The following AKAP13 variants were observed in gnomAD, a reference collection of about 807,000 sequenced individuals.
AKAP13 encodes the protein A-kinase anchor protein 13.
In AKAP13, 80 loss-of-function variants were observed where a neutral mutation model predicts 264.5. The observed-to-expected ratio is 0.30, with a 90% CI of 0.25 to 0.36. The LOEUF is 0.36. Ranked by LOEUF, AKAP13 falls within the 10% of genes least tolerant of loss-of-function variation. The probability of loss-of-function intolerance (pLI) is 1.00; values close to 1 mark genes in which losing one functional copy is unlikely to be tolerated. For synonymous variants in AKAP13, 1,380 were observed against 1,250.2 expected, an observed-to-expected ratio of 1.10 and a Z score of -2.19; for missense variants, 3,712 against 3,435.2, an observed-to-expected ratio of 1.08 and a Z score of -2.01.
At chr15:85,621,606 T>C (rs2081189795) in intron 8 of AKAP13, 1 of 152,184 alleles carries the variant, frequency 6.6e-6, no homozygotes, top group Non-Finnish European at 1.5e-5. Flanking sequence ...TAATACTTTA[T>C]ACTCTAGGTG....
At position 85,741,274 on chromosome 15, in the gene AKAP13, C is replaced by A; in HGVS notation, c.7837C>A (p.Arg2613=). 2 of 1,609,746 alleles carry A rather than the reference C, an allele frequency of 1.2e-6. No homozygotes were observed. Among genetic ancestry groups the A allele is most frequent in the African/African-American group, 1.3e-5 (1 of 74,988 alleles). Residue 2613 remains arginine (R), a synonymous_variant, in exon 35 of 37, where the codon CGG becomes AGG. Coordinates refer to ENST00000394518, the MANE Select transcript of AKAP13 (RefSeq NM_007200.5). ...REWEAREREL[R]EREALLAQRE... is the part of the protein sequence containing the mutation. ...GTGGGAAGCTCGTGAGAGGGAGCTG[C>A]GGGAGCGGGAGGCCCTCCTGGCCCA...
intron 1 of AKAP13, among the ~76,000 whole-genome samples, chr15:85,410,925 T>C (rs1425249938): frequency 2.7e-5 from 4 of 148,882 alleles, no homozygotes; most frequent in Non-Finnish European, 4.4e-5. Context: ...CTTTAGTTCC[T>C]TGTAGTAGTA....
intron 36 of AKAP13, chr15:85,744,091 C>T (rs938803017): frequency 1.1e-5 from 5 of 464,578 alleles, no homozygotes; most frequent in African/African-American, 9.7e-5. Flanking sequence ...GAGCTCACCC[C>T]TCAATGAAGT....
At chr15:85,703,485 C>CACATGCCT (rs1430974140) in intron 17 of AKAP13, among the ~76,000 whole-genome samples, 5 of 152,184 alleles carry the variant, frequency 3.3e-5, no homozygotes, top group African/African-American at 4.8e-5. Flanking sequence ...AAGAACATCT[C>CACATGCCT]ACATGCCTTT....
intron 16 of AKAP13, among the ~76,000 whole-genome samples, chr15:85,691,161 T>C (rs1296382809): frequency 2.6e-5 from 4 of 152,362 alleles, no homozygotes; most frequent in African/African-American, 9.6e-5. Flanking sequence ...ATCACTGACT[T>C]GGGACACCCA....
intron 1 of AKAP13, among the ~76,000 whole-genome samples, chr15:85,397,390 G>C (rs989797209): frequency 3.3e-5 from 5 of 152,110 alleles, no homozygotes; most frequent in African/African-American, 4.8e-5. Context: ...TAGCTCACTG[G>C]GATATGTGCC....
intron 5 of AKAP13, among the ~76,000 whole-genome samples, chr15:85,551,367 T>C (rs954814570): frequency 6.6e-6 from 1 of 152,238 alleles, no homozygotes; most frequent in East Asian, 1.9e-4. Flanking sequence ...AATTCTCATA[T>C]CTTTATCCTC....
chr15:85,645,680 A>T, intron 9 of AKAP13, 138 bp from the exon 10 acceptor site: 1 of 906,518 alleles, frequency 1.1e-6, no homozygotes, highest in Non-Finnish European at 1.6e-6. Flanking sequence ...AAAAAGAAAT[A>T]AGGAGGGAAG....
At position 85,645,949 on chromosome 15, in the gene AKAP13, C is replaced by G. The variant is rs147087810; in HGVS notation, c.4369C>G (p.Pro1457Ala). Residue 1457 changes from proline to alanine, a missense_variant, in exon 10 of 37, where the codon CCA (proline) becomes GCA (alanine). This residue lies in a region of AKAP13 where 2,759 missense variants were observed against 2,411.7 expected (regional missense o/e 1.14). Coordinates refer to ENST00000394518, the MANE Select transcript of AKAP13 (RefSeq NM_007200.5). ...PSDDMDSIIF[P>A]KPEEEHLACD... ...TGATGACATGGACAGCATCATCTTCCCAAAGGTACTGTGTGGACCTTCCTT... is the reference window on the plus strand; with the variant it reads ...TGATGACATGGACAGCATCATCTTCGCAAAGGTACTGTGTGGACCTTCCTT... 2.5e-6 allele frequency: 4 copies of G among 1,612,532 alleles called. No individual in the cohort carries two copies. The highest frequency in any genetic ancestry group is 1.3e-5 in the African/African-American group (1 of 74,920).
At chr15:85,704,379 T>C (rs967457457) in intron 17 of AKAP13, among the ~76,000 whole-genome samples, 4 of 152,258 alleles carry the variant, frequency 2.6e-5, no homozygotes, top group African/African-American at 9.6e-5. Context: ...TAATGGTTTG[T>C]TTTATTTTTC....
chr15:85,719,436 A>G, intron 23 of AKAP13, 110 bp downstream of exon 23: 1 of 1,387,026 alleles, frequency 7.2e-7, no homozygotes, highest in Non-Finnish European at 9.7e-7. Context: ...TATCTGTGTA[A>G]GCTCAGGGAA....
chr15:85,580,727 A>C lies in AKAP13; in HGVS notation c.2659A>C (p.Lys887Gln). The stretch of plus-strand genomic sequence containing the variant: ...AGCAATCCCAGAAGCTCTGAATATC[A>C]AGGGGAACACTGACTCTTCCCTGCA... ...PPAIPEALNI[K>Q]GNTDSSLQSV... is the part of the protein sequence containing the mutation. The change falls in exon 7 of 37, where the codon AAG (lysine) becomes CAG (glutamine). Residue 887 changes from lysine to glutamine, a missense_variant. Lys to Gln is a moderately conservative substitution (Grantham distance 53). Around this residue, in one of 3 missense-constraint regions of AKAP13, gnomAD observed 2,759 missense variants for 2,411.7 expected, o/e 1.14. Transcript: ENST00000394518. 2 of 1,614,150 alleles carry C rather than the reference A, an allele frequency of 1.2e-6. No homozygotes were observed. Among genetic ancestry groups the C allele is most frequent in the Non-Finnish European group, 1.7e-6 (2 of 1,180,026 alleles).
At chr15:85,674,928 CA>C (rs2084142070) in intron 14 of AKAP13, among the ~76,000 whole-genome samples, 1 of 151,830 alleles carries the variant, frequency 6.6e-6, no homozygotes, top group African/African-American at 2.4e-5. Flanking sequence ...TACATCAGAA[CA>C]AAAATGTAAT....
intron 5 of AKAP13, among the ~76,000 whole-genome samples, chr15:85,550,244 G>A (rs868389532): frequency 4.6e-5 from 7 of 152,140 alleles, no homozygotes; most frequent in East Asian, 1.9e-4. Context: ...GGAAACTGAG[G>A]CCAGAGAGGT....
chr15:85,620,750 A>T (rs1308056519), intron 8 of AKAP13, among the ~76,000 whole-genome samples: 1 of 152,206 alleles, frequency 6.6e-6, no homozygotes, highest in Non-Finnish European at 1.5e-5. Flanking sequence ...TTTCAGAGGT[A>T]GCTTCTGACT....
rs748611699 is a variant in AKAP13, at chr15:85,655,801, C to T, written c.4745+14C>T. On this transcript the variant is annotated intron_variant, in intron 11 of 36. Coordinates refer to ENST00000394518, the MANE Select transcript of AKAP13 (RefSeq NM_007200.5). ...GAACCACCGGAGGTGAGATGGGAGGCGGTTTGTTTAGTGTCTCAGTGTCTG... is the reference window on the plus strand; with the variant it reads ...GAACCACCGGAGGTGAGATGGGAGGTGGTTTGTTTAGTGTCTCAGTGTCTG... 1.9e-5 allele frequency: 30 copies of T among 1,595,832 alleles called. 1 individual carries two copies. The highest frequency in any genetic ancestry group is 6.7e-5 in the South Asian group (6 of 89,960).
intron 11 of AKAP13, among the ~76,000 whole-genome samples, chr15:85,657,014 T>G (rs2083129783): frequency 6.6e-6 from 1 of 152,130 alleles, no homozygotes; most frequent in African/African-American, 2.4e-5. Flanking sequence ...CGCATGGTAG[T>G]ACATGCCTGT....
At position 85,735,743 on chromosome 15, in the gene AKAP13, A is replaced by G; in HGVS notation, c.7512+113A>G. The G allele has an allele frequency of 1.9e-5, 20 of 1,069,632 alleles. No individual in the cohort carries two copies. In the South Asian group the frequency reaches 3.0e-4, roughly 16 times the overall value. The allele number at this position is 1,069,632 out of a possible 1,614,324, so 66.3% of individuals were successfully genotyped here. On this transcript the variant is annotated intron_variant, in intron 32 of 36. Coordinates refer to ENST00000394518, the MANE Select transcript of AKAP13 (RefSeq NM_007200.5). ...TTCGATGCCTGAATTGCTGCTTTTA[A>G]TAAAATTATTTTCAGGGAAAATCAC...
chr15:85,528,584 A>G (rs923544854), intron 3 of AKAP13, among the ~76,000 whole-genome samples: 1 of 152,230 alleles, frequency 6.6e-6, no homozygotes, highest in Non-Finnish European at 1.5e-5. Flanking sequence ...AACAGGCTTC[A>G]AGGTTGAATG....
Sources: allele counts gnomAD v4.1 joint callset (sites outside exome capture counted in the v4.1 genomes callset), GRCh38; gene constraint gnomAD v4.1.1; regional missense constraint gnomAD v4.1.1; transcripts MANE v1.5; gene names NCBI Gene and HGNC (gene_info 2026-07-23, HGNC 2026-07-21).